The following PLCD4 variants were observed in gnomAD, a reference collection of about 807,000 sequenced individuals.
PLCD4 encodes the protein phospholipase C delta 4.
PLCD4 carries 63 observed loss-of-function variants against 90.2 expected under a neutral mutation model. The observed-to-expected ratio is 0.70, with a 90% CI of 0.57 to 0.86. PLCD4 has a LOEUF of 0.86. Among genes scored for constraint, PLCD4 ranks in the 40% least tolerant of loss-of-function variants. The probability of loss-of-function intolerance (pLI) is 0.00; values close to 1 mark genes in which losing one functional copy is unlikely to be tolerated. For missense variants in PLCD4, 830 were observed against 956.3 expected (o/e 0.87, Z 1.74); for synonymous variants, 294 against 356.5 (o/e 0.82, Z 1.97).
At chr2:218,621,970 C>A (rs1160235223) in intron 5 of PLCD4, among the ~76,000 whole-genome samples, 2 of 150,006 alleles carry the variant, frequency 1.3e-5, no homozygotes, top group Admixed American at 6.7e-5. Context: ...GTCCCAGCTA[C>A]TAGGTAGGCT....
chr2:218,635,057 C>A, intron 13 of PLCD4, among the ~76,000 whole-genome samples: 1 of 151,778 alleles, frequency 6.6e-6, no homozygotes, highest in African/African-American at 2.4e-5. Context: ...TGAAACTGGT[C>A]TCAACAAAAA....
At chr2:218,625,656 G>C (rs936401183) in intron 6 of PLCD4, among the ~76,000 whole-genome samples, 1 of 152,192 alleles carries the variant, frequency 6.6e-6, no homozygotes, top group African/African-American at 2.4e-5. Flanking sequence ...CTTTCTGGCC[G>C]GGCACAATGG....
chr2:218,623,216 CT>C (rs1263093447), intron 6 of PLCD4, among the ~76,000 whole-genome samples: 1 of 152,174 alleles, frequency 6.6e-6, no homozygotes, highest in East Asian at 1.9e-4. Flanking sequence ...CCTTGATCCT[CT>C]TTCTTTGGCC....
At chr2:218,626,305 T>G (rs1380872633) in intron 6 of PLCD4, among the ~76,000 whole-genome samples, 1 of 151,700 alleles carries the variant, frequency 6.6e-6, no homozygotes, top group Non-Finnish European at 1.5e-5. Context: ...CCTGTCCTTC[T>G]TCACAATCTC....
In PLCD4 at chr2:218,632,218, C is replaced by G; in HGVS notation, c.1355C>G (p.Pro452Arg). Residue 452 changes from proline to arginine, a missense_variant, in exon 10 of 16, where the codon CCT becomes CGT. By Grantham distance (103) the Pro-to-Arg change is moderately radical (BLOSUM62 -2). Coordinates refer to ENST00000450993, the MANE Select transcript of PLCD4 (RefSeq NM_032726.4). ...GAATATGAGGAAGAGGAAGCAGAAC[C>G]TGAGTTGGAAGAGTCAGAATTGGCG... ...DLEYEEEEAEPELEESELALE... is the reference protein window; with the variant it reads ...DLEYEEEEAERELEESELALE... 6.2e-7 allele frequency: 1 copy of G among 1,611,452 alleles called. No homozygotes were observed. The highest frequency in any genetic ancestry group is 8.5e-7 in the Non-Finnish European group (1 of 1,178,892).
rs541569878 is a variant in PLCD4 at position 218,628,391 on chromosome 2, G to A, written c.974+161G>A. The A allele has an allele frequency of 4.6e-6, 3 of 651,330 alleles. No individual in the cohort carries two copies. In the South Asian group the frequency reaches 6.4e-5, roughly 14 times the overall value. The allele number at this position is 651,330 out of a possible 1,614,324, so 40.3% of individuals were successfully genotyped here. A position where few individuals can be genotyped will look rare whatever the true frequency, so the allele number is the denominator to read the frequency against. ...CTTGGAGGAGATATTGAAGACTGGTGGGAGAATGGTAATGAAACCCTATGG... is the reference window on the plus strand; with the variant it reads ...CTTGGAGGAGATATTGAAGACTGGTAGGAGAATGGTAATGAAACCCTATGG... On this transcript the variant is annotated intron_variant, in intron 7 of 15. Transcript: ENST00000450993.
chr2:218,632,467 A>G (rs1696430057), intron 10 of PLCD4, among the ~76,000 whole-genome samples, 155 bp downstream of exon 10: 2 of 152,170 alleles, frequency 1.3e-5, no homozygotes, highest in South Asian at 4.1e-4. Context: ...CATGGCATCA[A>G]TATATATTAT....
At chr2:218,630,831 T>C (rs766251613) in intron 9 of PLCD4, 29 bp downstream of exon 9, 1 of 1,584,352 alleles carries the variant, frequency 6.3e-7, no homozygotes, top group Admixed American at 1.8e-5. Context: ...CAGCCCAGGC[T>C]CTGCTGTGGC....
chr2:218,624,223 C>T (rs549324332), intron 6 of PLCD4, among the ~76,000 whole-genome samples: 21 of 152,248 alleles, frequency 1.4e-4, no homozygotes, highest in African/African-American at 5.1e-4. Context: ...TATTCTGGGT[C>T]TAAACTCTTA....
intron 5 of PLCD4, 47 bp from the exon 6 acceptor site, chr2:218,622,600 T>C (rs1559268305): frequency 1.5e-6 from 2 of 1,379,262 alleles, no homozygotes; most frequent in Non-Finnish European, 2.0e-6. Flanking sequence ...AAAGATAACA[T>C]TTCCCATTAA....
Position 218,636,724 on chromosome 2 carries a change from C to G in PLCD4, c.*147C>G. 1 of 844,542 alleles carries G rather than the reference C, an allele frequency of 1.2e-6. No homozygotes were observed. Among genetic ancestry groups the G allele is most frequent in the Non-Finnish European group, 1.9e-6 (1 of 531,878 alleles). 52.3% of individuals were successfully genotyped at this position (844,542 alleles called of 1,614,324 possible). On this transcript the variant is annotated 3_prime_UTR_variant, in exon 16 of 16. Coordinates refer to ENST00000450993, the MANE Select transcript of PLCD4 (RefSeq NM_032726.4). The stretch of plus-strand genomic sequence containing the variant: ...CACAAAATTACCTCATTCTTCCTAA[C>G]AAGCAATCTGGGACCTGATTTTCCA...
At chr2:218,621,288 T>C (rs1279632587) in intron 4 of PLCD4, among the ~76,000 whole-genome samples, 182 bp from the exon 5 acceptor site, 1 of 152,182 alleles carries the variant, frequency 6.6e-6, no homozygotes, top group African/African-American at 2.4e-5. Context: ...GCCTGGGCCA[T>C]ACAGTGACAA....
chr2:218,623,082 G>A lies in PLCD4; in HGVS notation c.772+204G>A, dbSNP rs544503900. Among the ~76,000 whole-genome samples the A allele has an allele frequency of 1.1e-4, 17 of 152,320 alleles. No homozygotes were observed. In the South Asian group the frequency reaches 3.3e-3, roughly 30 times the overall value. On this transcript the variant is annotated intron_variant, in intron 6 of 15. Coordinates refer to ENST00000450993, the MANE Select transcript of PLCD4 (RefSeq NM_032726.4). ...CAGACAAGACAGGGGTTTCCTCTGA[G>A]GTGCTAGACCTCTCAGGAGGAAGAA... is the stretch of plus-strand genomic sequence containing the variant.
In PLCD4 at chr2:218,634,323, TAGGC is replaced by T; in HGVS notation, c.1723+103_1723+106del. On this transcript the variant is annotated intron_variant, in intron 12 of 15. Transcript: ENST00000450993. The surrounding 1 kb of genome is among the most constrained non-coding windows in gnomAD (Gnocchi z 4.0). The stretch of plus-strand genomic sequence containing the variant: ...GTTGGGGAATGCTCAAGAAAATTGC[TAGGC>T]TGAGAAATGCTATCAGTGGATATTA... 1 of 1,572,344 alleles carries T rather than the reference TAGGC, an allele frequency of 6.4e-7. No individual in the cohort carries two copies. Among genetic ancestry groups the T allele is most frequent in the Non-Finnish European group, 8.6e-7 (1 of 1,158,320 alleles).
At chr2:218,616,589 C>G (rs554195200) in intron 3 of PLCD4, among the ~76,000 whole-genome samples, 1 of 151,600 alleles carries the variant, frequency 6.6e-6, no homozygotes, top group Non-Finnish European at 1.5e-5. Context: ...TGGTGCTGTA[C>G]GCCTGTGGTC....
At chr2:218,633,876 G>GT in intron 11 of PLCD4, 115 bp downstream of exon 11, 1 of 1,121,236 alleles carries the variant, frequency 8.9e-7, no homozygotes, top group Non-Finnish European at 1.3e-6. Flanking sequence ...AGATGAAGGA[G>GT]TTCAGAAACT....
rs2106166267 is a variant in PLCD4 at position 218,634,151 on chromosome 2, T to C, written c.1653T>C (p.Tyr551=). 1 of 1,612,828 alleles carries C rather than the reference T, an allele frequency of 6.2e-7. No homozygotes were observed. ...QHNTWQLSRV[Y]PSGLRTDSSN... is the part of the protein sequence containing the mutation. ...ATACTTGGCAGTTAAGCCGTGTGTATCCCAGCGGCCTGAGGACAGACTCTT... is the reference window on the plus strand; with the variant it reads ...ATACTTGGCAGTTAAGCCGTGTGTACCCCAGCGGCCTGAGGACAGACTCTT... The change falls in exon 12 of 16, where the codon TAT becomes TAC. Residue 551 remains tyrosine, a synonymous_variant. Coordinates refer to ENST00000450993, the MANE Select transcript of PLCD4 (RefSeq NM_032726.4). The surrounding 1 kb of genome is among the most constrained non-coding windows in gnomAD (Gnocchi z 4.0).
intron 1 of PLCD4, among the ~76,000 whole-genome samples, chr2:218,612,203 C>T (rs564282909): frequency 3.3e-5 from 5 of 152,282 alleles, no homozygotes; most frequent in East Asian, 3.9e-4. Flanking sequence ...CCACCGCCTT[C>T]GGCCAGGTCT....
chr2:218,616,925 T>G (rs866107926), intron 3 of PLCD4, among the ~76,000 whole-genome samples: 27 of 22,230 alleles, frequency 1.2e-3, no homozygotes, highest in African/African-American at 4.5e-3. Flanking sequence ...TATATATATA[T>G]ATAGAGAGAG....
Sources: gnomAD v4.1 joint callset for allele counts (sites outside exome capture counted in the v4.1 genomes callset) on GRCh38, gnomAD v4.1.1 for gene constraint, Gnocchi (gnomAD v3.1) non-coding constraint, MANE v1.5 for transcripts, NCBI Gene and HGNC (gene_info 2026-07-23, HGNC 2026-07-21) for gene names.